Variants in CEP170 observed in about 807,000 individuals in gnomAD.
CEP170 encodes the protein centrosomal protein of 170 kDa.
A neutral mutation model predicts 151.9 loss-of-function variants in CEP170; 21 were observed. The ratio of observed to expected loss-of-function variants is 0.14; its 90% CI spans 0.10 to 0.20. CEP170 has a LOEUF of 0.20. Among genes scored for constraint, CEP170 ranks in the 10% least tolerant of loss-of-function variants. The probability of loss-of-function intolerance (pLI) is 1.00; values close to 1 mark genes in which losing one functional copy is unlikely to be tolerated. For synonymous variants in CEP170, 356 were observed against 648.8 expected (o/e 0.55, Z 6.86); for missense variants, 964 against 1,892.9 (o/e 0.51, Z 9.11).
rs1331616786 is a variant in CEP170, at chr1:243,152,521, A to T, written c.3911+3700T>A. Among the ~76,000 whole-genome samples, 279 of 54,950 alleles carry T rather than the reference A, an allele frequency of 5.1e-3. 4 individuals are homozygous for T. Among genetic ancestry groups the T allele is most frequent in the Middle Eastern group, 0.056 (2 of 36 alleles). 36.0% of individuals were successfully genotyped at this position (54,950 alleles called of 152,430 possible). A position where few individuals can be genotyped will look rare whatever the true frequency, so the allele number is the denominator to read the frequency against. On this transcript the variant is annotated intron_variant, in intron 14 of 19. Transcript: ENST00000366542. ...CAGGCGTGAGCCACCGCGCCCAGCC[A>T]TTTTTTTTTTTTTTTTTTTTTTTTT...
intron 1 of CEP170, chr1:243,253,011 C>T (rs185523412): frequency 1.3e-5 from 2 of 152,142 alleles, no homozygotes; most frequent in East Asian, 1.9e-4. Context: ...TCTTGTTATG[C>T]GGAAATTTTA....
At chr1:243,142,786 A>G (rs2056008138) in intron 14 of CEP170, among the ~76,000 whole-genome samples, 1 of 152,190 alleles carries the variant, frequency 6.6e-6, no homozygotes, top group Non-Finnish European at 1.5e-5. Flanking sequence ...GGAATAATGG[A>G]TAGAATTCAA....
intron 1 of CEP170, among the ~76,000 whole-genome samples, chr1:243,227,409 T>C (rs2063389107): frequency 6.6e-6 from 1 of 152,210 alleles, no homozygotes; most frequent in Non-Finnish European, 1.5e-5. Context: ...AAGAGTCTAG[T>C]TCTGCAGACA....
At chr1:243,194,394 A>T (rs1178400207) in intron 7 of CEP170, among the ~76,000 whole-genome samples, 2 of 152,008 alleles carry the variant, frequency 1.3e-5, no homozygotes, top group African/African-American at 4.8e-5. Context: ...TAATACTGAT[A>T]TTGATGATTG....
At chr1:243,221,596 G>A (rs990032641) in intron 3 of CEP170, 128 bp downstream of exon 3, 3 of 914,068 alleles carry the variant, frequency 3.3e-6, no homozygotes, top group Non-Finnish European at 4.9e-6. Flanking sequence ...CTATGTACCT[G>A]ATAAGCATTT....
chr1:243,224,306 T>C (rs1358573656), intron 2 of CEP170, among the ~76,000 whole-genome samples: 1 of 152,176 alleles, frequency 6.6e-6, no homozygotes, highest in Non-Finnish European at 1.5e-5. Flanking sequence ...TTTTTTCCTG[T>C]TACTTAAACT....
intron 13 of CEP170, among the ~76,000 whole-genome samples, chr1:243,158,236 A>G (rs1324771436): frequency 6.6e-6 from 1 of 152,194 alleles, no homozygotes; most frequent in Non-Finnish European, 1.5e-5. Flanking sequence ...GTACGTTTCA[A>G]AAAAACATTT....
intron 1 of CEP170, among the ~76,000 whole-genome samples, chr1:243,244,887 A>C (rs1305769552): frequency 6.6e-6 from 1 of 152,218 alleles, no homozygotes; most frequent in Non-Finnish European, 1.5e-5. Context: ...CACAAATATG[A>C]TAGGCATGTA....
intron 7 of CEP170, among the ~76,000 whole-genome samples, chr1:243,193,428 G>T (rs1386992213): frequency 6.6e-6 from 1 of 151,530 alleles, no homozygotes; most frequent in Non-Finnish European, 1.5e-5. Context: ...ACGTCAAGAT[G>T]GTAGTTTCTA....
intron 16 of CEP170, among the ~76,000 whole-genome samples, chr1:243,137,507 T>G (rs568613478): frequency 1.3e-5 from 2 of 152,334 alleles, no homozygotes; most frequent in African/African-American, 4.8e-5. Context: ...CCGGGCGCAG[T>G]GGCTCACGCC....
intron 13 of CEP170, among the ~76,000 whole-genome samples, chr1:243,156,991 A>G (rs1050366724): frequency 7.3e-5 from 11 of 151,606 alleles, no homozygotes; most frequent in South Asian, 2.1e-4. Context: ...TTTATGGCAG[A>G]AAAAAAAACA....
intron 14 of CEP170, among the ~76,000 whole-genome samples, chr1:243,143,786 C>T (rs1173130923): frequency 4.0e-5 from 6 of 151,200 alleles, no homozygotes; most frequent in Non-Finnish European, 8.8e-5. Flanking sequence ...AGGCTGGTCT[C>T]GAACTCCTGA....
chr1:243,224,420 A>G (rs1182312257), intron 2 of CEP170, among the ~76,000 whole-genome samples: 1 of 152,148 alleles, frequency 6.6e-6, no homozygotes, highest in African/African-American at 2.4e-5. Flanking sequence ...CTTGGGTCAC[A>G]CATAAAATAC....
intron 3 of CEP170, among the ~76,000 whole-genome samples, chr1:243,218,982 T>C (rs528556076): frequency 6.6e-6 from 1 of 152,282 alleles, no homozygotes; most frequent in Non-Finnish European, 1.5e-5. Flanking sequence ...TCTAGAATAA[T>C]ATGGATAATA....
chr1:243,226,039 CTCTAGATATATATA>C (rs1385791206), intron 1 of CEP170, among the ~76,000 whole-genome samples: 4 of 73,004 alleles, frequency 5.5e-5, no homozygotes, highest in African/African-American at 1.3e-4. Context: ...ATATATCTAT[CTCTAGATATATATA>C]TCTAGATATA....
At chr1:243,159,763 T>TTGTGTGTGTGTGTGTGTGTGTGTGTGTG (rs565534328) in intron 13 of CEP170, among the ~76,000 whole-genome samples, 1,785 of 126,966 alleles carry the variant, frequency 0.014, 44 homozygotes, top group Non-Finnish European at 0.017. Flanking sequence ...GTTTCCGGTT[T>TTGTGTGTGTGTGTGTGTGTGTGTGTGTG]TGTGTGTGTG....
chr1:243,231,554 C>T (rs878969466), intron 1 of CEP170, among the ~76,000 whole-genome samples: 15 of 152,022 alleles, frequency 9.9e-5, no homozygotes, highest in Middle Eastern at 3.4e-3. Context: ...TATAATATTA[C>T]GGGGGAGGAA....
At chr1:243,200,404 A>G (rs373459916) in intron 6 of CEP170, 114 bp downstream of exon 6, 2 of 1,137,164 alleles carry the variant, frequency 1.8e-6, no homozygotes, top group Non-Finnish European at 2.5e-6. Context: ...ACACTCTGAA[A>G]TTATCACTAT....
At chr1:243,247,284 T>C (rs1026939608) in intron 1 of CEP170, among the ~76,000 whole-genome samples, 3 of 152,200 alleles carry the variant, frequency 2.0e-5, no homozygotes, top group Non-Finnish European at 4.4e-5. Flanking sequence ...TCTCTTTATT[T>C]AGACACTGTT....
Sources: allele counts gnomAD v4.1 joint callset (sites outside exome capture counted in the v4.1 genomes callset), GRCh38; gene constraint gnomAD v4.1.1; transcripts MANE v1.5; gene names NCBI Gene and HGNC (gene_info 2026-07-23, HGNC 2026-07-21).